TBC1D19: variants seen among roughly 807,000 people sequenced by gnomAD.
TBC1D19 encodes TBC1 domain family member 19, also known as TBC1 domain family, member 19.
Under a neutral mutation model 89.0 loss-of-function variants are expected in TBC1D19, and 60 were observed. The observed-to-expected ratio is 0.67, with a 90% CI of 0.55 to 0.84. The LOEUF is 0.84. Among genes scored for constraint, TBC1D19 ranks in the 40% least tolerant of loss-of-function variants. The probability of loss-of-function intolerance (pLI) is 0.00; values close to 1 mark genes in which losing one functional copy is unlikely to be tolerated. For synonymous variants in TBC1D19, 189 were observed against 199.7 expected, an observed-to-expected ratio of 0.95 and a Z score of 0.45; for missense variants, 500 against 610.8, an observed-to-expected ratio of 0.82 and a Z score of 1.91.
At chr4:26,753,365 C>T (rs988297341) in intron 19 of TBC1D19, among the ~76,000 whole-genome samples, 18 of 152,244 alleles carry the variant, frequency 1.2e-4, no homozygotes, top group African/African-American at 4.1e-4. Flanking sequence ...CGTAGTGGCT[C>T]ACCCATGTAA....
chr4:26,603,483 T>TATCA (rs1461960309), intron 1 of TBC1D19, among the ~76,000 whole-genome samples: 1 of 152,186 alleles, frequency 6.6e-6, no homozygotes, highest in African/African-American at 2.4e-5. Context: ...TTTGGTATAC[T>TATCA]ATCAAAGGAG....
chr4:26,632,019 C>T (rs1435323730), intron 4 of TBC1D19, among the ~76,000 whole-genome samples: 2 of 151,974 alleles, frequency 1.3e-5, no homozygotes, highest in South Asian at 2.1e-4. Flanking sequence ...CAGAAAATAC[C>T]TGAATGAGCT....
At chr4:26,827,009 A>G in the TBC1D19 span, among the ~76,000 whole-genome samples, 32 of 152,236 alleles carry the variant, frequency 2.1e-4, no homozygotes, top group Middle Eastern at 3.4e-3. Flanking sequence ...AGGTTTCACT[A>G]CCTCTTTTAT....
the TBC1D19 span, among the ~76,000 whole-genome samples, chr4:26,810,620 C>T: frequency 1.3e-5 from 2 of 152,126 alleles, no homozygotes; most frequent in African/African-American, 4.8e-5. Flanking sequence ...ATGCTGTTCT[C>T]CGTGCCAACA....
chr4:26,653,058 G>A (rs961201644), intron 7 of TBC1D19, among the ~76,000 whole-genome samples: 1 of 152,106 alleles, frequency 6.6e-6, no homozygotes, highest in Non-Finnish European at 1.5e-5. Flanking sequence ...AGAGATTCTG[G>A]TATGTTGTGC....
At chr4:26,745,788 A>G (rs1323258771) in intron 18 of TBC1D19, among the ~76,000 whole-genome samples, 1 of 152,048 alleles carries the variant, frequency 6.6e-6, no homozygotes, top group East Asian at 1.9e-4. Flanking sequence ...CTGGGATTAC[A>G]GGTGTGAGCC....
the TBC1D19 span, among the ~76,000 whole-genome samples, chr4:26,819,484 A>G: frequency 6.6e-6 from 1 of 152,130 alleles, no homozygotes; most frequent in East Asian, 1.9e-4. Flanking sequence ...GCATCTTGTC[A>G]TTTCTCATCA....
At chr4:26,600,136 T>C (rs537756242) in intron 1 of TBC1D19, among the ~76,000 whole-genome samples, 6 of 152,116 alleles carry the variant, frequency 3.9e-5, no homozygotes, top group Non-Finnish European at 8.8e-5. Context: ...GTTGCTCAGA[T>C]TGTCATTATA....
chr4:26,692,340 A>G (rs991838126), intron 13 of TBC1D19, among the ~76,000 whole-genome samples: 1 of 152,154 alleles, frequency 6.6e-6, no homozygotes, highest in South Asian at 2.1e-4. Context: ...CTCTGACTCC[A>G]CTCAGCAGGC....
intron 1 of TBC1D19, among the ~76,000 whole-genome samples, chr4:26,602,586 G>A (rs1266735069): frequency 2.0e-5 from 3 of 151,626 alleles, no homozygotes; most frequent in East Asian, 1.9e-4. Context: ...GACTACAAGC[G>A]CCCGCCACCA....
At chr4:26,590,493 T>G (rs1269144091) in intron 1 of TBC1D19, among the ~76,000 whole-genome samples, 1 of 152,178 alleles carries the variant, frequency 6.6e-6, no homozygotes, top group Admixed American at 6.5e-5. Context: ...CCTTTTAAAA[T>G]TTTATTTGCC....
chr4:26,693,301 G>C (rs140918046), intron 13 of TBC1D19, among the ~76,000 whole-genome samples: 96 of 152,208 alleles, frequency 6.3e-4, no homozygotes, highest in African/African-American at 2.2e-3. Flanking sequence ...ATGAGCCCCA[G>C]CTGCTTGTAA....
chr4:26,768,668 T>A, the TBC1D19 span, among the ~76,000 whole-genome samples: 1 of 152,102 alleles, frequency 6.6e-6, no homozygotes, highest in Non-Finnish European at 1.5e-5. Context: ...TAAAAAATAG[T>A]GTCTAAGATG....
At chr4:26,614,739 T>G (rs1741575930) in intron 3 of TBC1D19, among the ~76,000 whole-genome samples, 3 of 152,072 alleles carry the variant, frequency 2.0e-5, no homozygotes, top group African/African-American at 7.2e-5. Flanking sequence ...TGCAGTGCAA[T>G]GATCTTGGCT....
chr4:26,740,754 A>G (rs1422023758), intron 17 of TBC1D19: 16 of 985,150 alleles, frequency 1.6e-5, no homozygotes, highest in Non-Finnish European at 1.8e-5. Context: ...CAATTGGAAT[A>G]TATGTCAGGG....
chr4:26,761,352 T>C, the TBC1D19 span, among the ~76,000 whole-genome samples: 1 of 152,196 alleles, frequency 6.6e-6, no homozygotes, highest in East Asian at 1.9e-4. Context: ...TATCTCTCCA[T>C]TTATTTAGAT....
At chr4:26,849,683 T>C in the TBC1D19 span, among the ~76,000 whole-genome samples, 1 of 152,218 alleles carries the variant, frequency 6.6e-6, no homozygotes, top group African/African-American at 2.4e-5. Context: ...TGATGAAAGA[T>C]TAATGCCCTT....
At chr4:26,721,059 C>G (rs1716943077) in intron 15 of TBC1D19, among the ~76,000 whole-genome samples, 1 of 151,984 alleles carries the variant, frequency 6.6e-6, no homozygotes, top group South Asian at 2.1e-4. Context: ...GGGCCATCTA[C>G]CTCTGTCCCT....
intron 13 of TBC1D19, among the ~76,000 whole-genome samples, chr4:26,696,694 G>A (rs566375011): frequency 6.7e-4 from 102 of 152,210 alleles, no homozygotes; most frequent in Middle Eastern, 3.4e-3. Context: ...AGAACTCAGG[G>A]TTAAGAAACT....
Sources: gnomAD v4.1 joint callset for allele counts (sites outside exome capture counted in the v4.1 genomes callset) on GRCh38, gnomAD v4.1.1 for gene constraint, MANE v1.5 for transcripts, NCBI Gene and HGNC (gene_info 2026-07-23, HGNC 2026-07-21) for gene names.